The following RETREG3 variants were observed in gnomAD, a reference collection of about 807,000 sequenced individuals.
The protein encoded by RETREG3 is reticulophagy regulator family member 3.
In RETREG3, 23 loss-of-function variants were observed where a neutral mutation model predicts 50.2. The observed-to-expected ratio is 0.46, with a 90% CI of 0.33 to 0.65. RETREG3 has a LOEUF of 0.65. Among genes scored for constraint, RETREG3 ranks in the 30% least tolerant of loss-of-function variants. The pLI is 0.02. For synonymous variants in RETREG3, 240 were observed against 234.4 expected (o/e 1.02, Z -0.22); for missense variants, 546 against 598.0 (o/e 0.91, Z 0.91).
rs2093148971 is a variant in RETREG3 at position 42,597,601 on chromosome 17, A to ATTT, written c.240-5440_240-5439insAAA. On this transcript the variant is annotated intron_variant, in intron 1 of 8. Coordinates refer to ENST00000309428, the MANE Select transcript of RETREG3 (RefSeq NM_178126.4). ...TGTGTGTATATATATATATATATAT[A>ATTT]TATATATATATATATATATTTTTTT... Among the ~76,000 whole-genome samples the ATTT allele has an allele frequency of 7.4e-4, 8 of 10,750 alleles. No homozygotes were observed. The Admixed American group carries it at 7.6e-3, about 10-fold the overall frequency. 7.1% of individuals were successfully genotyped at this position (10,750 alleles called of 152,430 possible).
chr17:42,609,047 T>C (rs758235829), intron 1 of RETREG3, 39 bp downstream of exon 1: 1 of 1,582,998 alleles, frequency 6.3e-7, no homozygotes, highest in South Asian at 1.1e-5. Flanking sequence ...ACCAACGAAT[T>C]CGGGACTCGG....
chr17:42,585,170 A>G lies in RETREG3; in HGVS notation c.682T>C (p.Phe228Leu), dbSNP rs750351893. The G allele has an allele frequency of 1.9e-6, 3 of 1,613,848 alleles. No homozygotes were observed. The highest frequency in any genetic ancestry group is 2.2e-5 in the South Asian group (2 of 91,086). The change falls in exon 6 of 9, where the codon TTC becomes CTC. Residue 228 changes from phenylalanine to leucine, a missense_variant. Transcript: ENST00000309428. Reference protein sequence around the residue: ...RLKPALQRLDFSVRGYMMSKQ... With the variant: ...RLKPALQRLDLSVRGYMMSKQ... ...GACATCATGTAGCCACGGACACTGA[A>G]GTCTAGCCGCTGCAGAGCTGGCTTC... is the stretch of plus-strand genomic sequence containing the variant.
In RETREG3 at chr17:42,582,822, A is replaced by G. The variant is rs2093112755; in HGVS notation, c.811-16T>C. 6.2e-7 allele frequency: 1 copy of G among 1,614,034 alleles called. No homozygotes were observed. The highest frequency in any genetic ancestry group is 1.3e-5 in the African/African-American group (1 of 74,940). On this transcript the variant is annotated splice_polypyrimidine_tract_variant and intron_variant, in intron 7 of 8. Coordinates refer to ENST00000309428, the MANE Select transcript of RETREG3 (RefSeq NM_178126.4). ...AATCGTCCAGCTTAGGAAAAGACCA[A>G]CAAATGTGAGATAATGCCATCAGGA...
At chr17:42,597,500 T>A (rs1271685351) in intron 1 of RETREG3, among the ~76,000 whole-genome samples, 3 of 12,454 alleles carry the variant, frequency 2.4e-4, no homozygotes, top group Non-Finnish European at 5.0e-4. Context: ...ATCTATTTTG[T>A]GTGTGTGTGT....
At chr17:42,608,939 G>C (rs1335586563) in intron 1 of RETREG3, 147 bp downstream of exon 1, 1 of 743,926 alleles carries the variant, frequency 1.3e-6, no homozygotes, top group Non-Finnish European at 2.1e-6. Flanking sequence ...CCTGCAGGCG[G>C]GATGGAGTGG....
intron 1 of RETREG3, chr17:42,599,032 T>C (rs1402424252): frequency 2.0e-5 from 3 of 152,180 alleles, no homozygotes; most frequent in Non-Finnish European, 4.4e-5. Flanking sequence ...CTAGTTTCTA[T>C]TTGTGTTAGT....
chr17:42,596,359 CAAAAAAAAAAAAAA>C (rs60457978), intron 1 of RETREG3, among the ~76,000 whole-genome samples: 24 of 64,712 alleles, frequency 3.7e-4, no homozygotes, highest in African/African-American at 9.3e-4. Flanking sequence ...GACCCTTTCT[CAAAAAAAAAAAAAA>C]AAAAAAAAAA....
At chr17:42,582,631 ACAGT>A (rs2093111953) in intron 8 of RETREG3, 39 bp downstream of exon 8, 24 of 1,611,214 alleles carry the variant, frequency 1.5e-5, no homozygotes, top group Non-Finnish European at 2.0e-5. Flanking sequence ...CTAAGAGGCA[ACAGT>A]CAGAGCCATT....
At position 42,580,030 on chromosome 17, in the gene RETREG3, G is replaced by A. The variant is rs1380518420; in HGVS notation, c.*1783C>T. 2.0e-5 allele frequency: 3 copies of A among 152,898 alleles called. No homozygotes were observed. Among genetic ancestry groups the A allele is most frequent in the African/African-American group, 7.2e-5 (3 of 41,468 alleles). 9.5% of individuals were successfully genotyped at this position (152,898 alleles called of 1,614,324 possible). A position where few individuals can be genotyped will look rare whatever the true frequency, so the allele number is the denominator to read the frequency against. On this transcript the variant is annotated 3_prime_UTR_variant, in exon 9 of 9. Transcript: ENST00000309428. ...GGATCAGCAAAGGGTTAATGCAGAA[G>A]GAAAGAGGACAGAAGCGTTTGGCTT...
intron 1 of RETREG3, among the ~76,000 whole-genome samples, chr17:42,603,724 T>TC (rs1184472898): frequency 6.6e-6 from 1 of 152,168 alleles, no homozygotes; most frequent in African/African-American, 2.4e-5. Flanking sequence ...ACGCCTGTAA[T>TC]CCCAGCACTT....
At chr17:42,605,084 C>T (rs2093165355) in intron 1 of RETREG3, among the ~76,000 whole-genome samples, 3 of 147,460 alleles carry the variant, frequency 2.0e-5, no homozygotes, top group Admixed American at 2.0e-4. Flanking sequence ...TTCTCTGGTA[C>T]CTGAAAAAAA....
At chr17:42,608,047 G>A (rs928533348) in intron 1 of RETREG3, among the ~76,000 whole-genome samples, 1 of 152,070 alleles carries the variant, frequency 6.6e-6, no homozygotes, top group Admixed American at 6.6e-5. Flanking sequence ...TTCAGATAAA[G>A]GATAATAAAT....
At chr17:42,583,920 G>C (rs2093115642) in intron 6 of RETREG3, among the ~76,000 whole-genome samples, 1 of 152,158 alleles carries the variant, frequency 6.6e-6, no homozygotes, top group Admixed American at 6.6e-5. Context: ...CAATACTCCT[G>C]TCTCAGCCTC....
At chr17:42,608,938 G>T in intron 1 of RETREG3, 148 bp downstream of exon 1, 1 of 735,884 alleles carries the variant, frequency 1.4e-6, no homozygotes, top group South Asian at 1.9e-5. Context: ...GCCTGCAGGC[G>T]GGATGGAGTG....
At chr17:42,599,728 C>T (rs1221787933) in intron 1 of RETREG3, among the ~76,000 whole-genome samples, 1 of 151,402 alleles carries the variant, frequency 6.6e-6, no homozygotes, top group Admixed American at 6.6e-5. Context: ...CATGGTGGCT[C>T]ACGTCTGTAA....
intron 1 of RETREG3, among the ~76,000 whole-genome samples, chr17:42,608,406 C>T (rs2093172350): frequency 1.3e-5 from 2 of 152,194 alleles, no homozygotes; most frequent in African/African-American, 4.8e-5. Flanking sequence ...ATTTCCTTGC[C>T]TATAAACCAT....
At chr17:42,586,632 G>A in intron 4 of RETREG3, 133 bp downstream of exon 4, 2 of 1,308,922 alleles carry the variant, frequency 1.5e-6, no homozygotes, top group South Asian at 3.2e-5. Flanking sequence ...CTTTCCTATA[G>A]CTTCCTTTTG....
At chr17:42,597,278 T>C (rs2093147145) in intron 1 of RETREG3, among the ~76,000 whole-genome samples, 1 of 148,400 alleles carries the variant, frequency 6.7e-6, no homozygotes, top group African/African-American at 2.5e-5. Context: ...AACCTCTGCC[T>C]CCCAGGTTCA....
At chr17:42,587,705 A>T in intron 3 of RETREG3, 129 bp downstream of exon 3, 1 of 1,094,088 alleles carries the variant, frequency 9.1e-7, no homozygotes, top group Non-Finnish European at 1.4e-6. Flanking sequence ...TGTTAAAATG[A>T]TCATTTGGAA....
Sources: allele counts gnomAD v4.1 joint callset (sites outside exome capture counted in the v4.1 genomes callset), GRCh38; gene constraint gnomAD v4.1.1; transcripts MANE v1.5; gene names NCBI Gene and HGNC (gene_info 2026-07-23, HGNC 2026-07-21).